The following ST6GALNAC3 variants were observed in gnomAD, a reference collection of about 807,000 sequenced individuals.
ST6GALNAC3 encodes the protein alpha-N-acetylgalactosaminide alpha-2,6-sialyltransferase 3.
Under a neutral mutation model 32.7 loss-of-function variants are expected in ST6GALNAC3, and 25 were observed. The observed-to-expected ratio is 0.76, with a 90% CI of 0.56 to 1.07. The LOEUF (loss-of-function observed/expected upper bound fraction) is 1.07, where lower values mean the gene tolerates loss of function less well. ST6GALNAC3 is among the 50% of genes least tolerant of loss of function. The pLI is 0.00. For missense variants in ST6GALNAC3, 355 were observed against 382.4 expected (o/e 0.93, Z 0.60); for synonymous variants, 129 against 133.1 (o/e 0.97, Z 0.21).
chr1:76,144,694 T>TCAC (rs1650564740), intron 1 of ST6GALNAC3, among the ~76,000 whole-genome samples: 9 of 152,286 alleles, frequency 5.9e-5, no homozygotes, highest in African/African-American at 2.2e-4. Context: ...CTTCCCCTAA[T>TCAC]GATTCTGTGA....
intron 3 of ST6GALNAC3, among the ~76,000 whole-genome samples, chr1:76,497,410 A>G (rs1054105055): frequency 1.3e-5 from 2 of 152,196 alleles, no homozygotes; most frequent in Non-Finnish European, 2.9e-5. Flanking sequence ...GAGTTAGGTT[A>G]TTGAGCTCAA....
intron 1 of ST6GALNAC3, among the ~76,000 whole-genome samples, chr1:76,225,165 T>G (rs1243158799): frequency 6.6e-6 from 1 of 152,130 alleles, no homozygotes; most frequent in Non-Finnish European, 1.5e-5. Context: ...GTGTATTTGA[T>G]GCAACAAAAT....
intron 3 of ST6GALNAC3, among the ~76,000 whole-genome samples, chr1:76,504,636 G>A (rs1031811380): frequency 3.9e-5 from 6 of 151,970 alleles, no homozygotes; most frequent in Admixed American, 2.0e-4. Flanking sequence ...TGTGTTAAAT[G>A]GTAAGACTAA....
chr1:76,579,603 G>A (rs1392650989), intron 3 of ST6GALNAC3, among the ~76,000 whole-genome samples: 3 of 151,856 alleles, frequency 2.0e-5, no homozygotes, highest in Non-Finnish European at 2.9e-5. Flanking sequence ...AAAACATATG[G>A]GTACTCCTCT....
chr1:76,108,802 G>A (rs1304330454), intron 1 of ST6GALNAC3, among the ~76,000 whole-genome samples: 2 of 150,896 alleles, frequency 1.3e-5, no homozygotes. Flanking sequence ...ATTTGCAAAA[G>A]TCTTGGTCAT....
chr1:76,405,891 C>T (rs957775677), intron 2 of ST6GALNAC3, among the ~76,000 whole-genome samples: 4 of 151,842 alleles, frequency 2.6e-5, no homozygotes, highest in African/African-American at 9.7e-5. Flanking sequence ...GGAAATAAGG[C>T]TGAGTAATTA....
chr1:76,452,911 G>A (rs1461431856), intron 3 of ST6GALNAC3, among the ~76,000 whole-genome samples: 1 of 152,000 alleles, frequency 6.6e-6, no homozygotes, highest in African/African-American at 2.4e-5. Flanking sequence ...TCTGGTCCTG[G>A]ACTCTATTTT....
At chr1:76,483,770 T>A (rs1460634541) in intron 3 of ST6GALNAC3, among the ~76,000 whole-genome samples, 3 of 152,122 alleles carry the variant, frequency 2.0e-5, no homozygotes, top group Admixed American at 2.0e-4. Flanking sequence ...CATTGCTCTT[T>A]GTGTTTTAGA....
At chr1:76,572,250 C>T (rs1015178579) in intron 3 of ST6GALNAC3, among the ~76,000 whole-genome samples, 1 of 152,044 alleles carries the variant, frequency 6.6e-6, no homozygotes, top group African/African-American at 2.4e-5. Flanking sequence ...TTCTTAACCA[C>T]ATAACATATC....
At chr1:76,273,800 C>G (rs768609756) in intron 1 of ST6GALNAC3, among the ~76,000 whole-genome samples, 6 of 152,044 alleles carry the variant, frequency 3.9e-5, no homozygotes, top group Non-Finnish European at 7.4e-5. Flanking sequence ...AATATCCGCT[C>G]GTAAGATGTA....
At chr1:76,289,023 A>G (rs892577324) in intron 1 of ST6GALNAC3, among the ~76,000 whole-genome samples, 1 of 152,208 alleles carries the variant, frequency 6.6e-6, no homozygotes, top group African/African-American at 2.4e-5. Flanking sequence ...ATCTTGTCTA[A>G]GAAGAAACTG....
rs71072000 is a variant in ST6GALNAC3, at chr1:76,415,171, CTTT to C, written c.623+2774_623+2776del. On this transcript the variant is annotated intron_variant, in intron 3 of 4. Transcript: ENST00000328299. ...TATTGAGGCTTGGTTGGATTCATGTCTTTTTTTTTTTTTTTTTTTTTTGCCAAA... is the reference window on the plus strand; with the variant it reads ...TATTGAGGCTTGGTTGGATTCATGTCTTTTTTTTTTTTTTTTTTTGCCAAA... Among the ~76,000 whole-genome samples the C allele has an allele frequency of 1.7e-4, 12 of 70,454 alleles. No homozygotes were observed. In the East Asian group the frequency reaches 4.0e-3, roughly 24 times the overall value. The allele number at this position is 70,454 out of a possible 152,430, so 46.2% of individuals were successfully genotyped here.
intron 1 of ST6GALNAC3, among the ~76,000 whole-genome samples, chr1:76,093,109 G>A (rs1647072283): frequency 6.6e-6 from 1 of 152,146 alleles, no homozygotes; most frequent in African/African-American, 2.4e-5. Context: ...TGAAGATATG[G>A]GAAGAATTGC....
At chr1:76,206,740 A>AC (rs1464254833) in intron 1 of ST6GALNAC3, among the ~76,000 whole-genome samples, 2 of 152,148 alleles carry the variant, frequency 1.3e-5, no homozygotes, top group African/African-American at 4.8e-5. Context: ...TAAAAAAAAA[A>AC]AATGCTGTCG....
chr1:76,399,050 A>G (rs1653204644), intron 2 of ST6GALNAC3, among the ~76,000 whole-genome samples: 2 of 151,954 alleles, frequency 1.3e-5, no homozygotes, highest in South Asian at 4.1e-4. Context: ...TCTTATGCCA[A>G]TTTTTTATTG....
Position 76,077,617 on chromosome 1 carries a change from G to C in ST6GALNAC3, c.18+2733G>C, listed in dbSNP as rs576019691. Reference sequence around the variant, plus strand: ...ATTGTGAGAAAGTGGGAAATGTATGGGGAAAACTAATGGAAAATAGGTGAG... The same window carrying C: ...ATTGTGAGAAAGTGGGAAATGTATGCGGAAAACTAATGGAAAATAGGTGAG... On this transcript the variant is annotated intron_variant, in intron 1 of 4. Transcript: ENST00000328299. Among the ~76,000 whole-genome samples the C allele has an allele frequency of 2.0e-5, 3 of 152,288 alleles. No homozygotes were observed. In the South Asian group the frequency reaches 6.2e-4, roughly 32 times the overall value.
chr1:76,543,494 G>GA (rs1449903315), intron 3 of ST6GALNAC3, among the ~76,000 whole-genome samples: 1 of 152,026 alleles, frequency 6.6e-6, no homozygotes, highest in East Asian at 1.9e-4. Context: ...TATCACATCA[G>GA]AAAAAAATAT....
intron 3 of ST6GALNAC3, among the ~76,000 whole-genome samples, chr1:76,573,204 C>T (rs1557588016): frequency 6.6e-6 from 1 of 152,064 alleles, no homozygotes; most frequent in Non-Finnish European, 1.5e-5. Context: ...TCTACAGACA[C>T]TTTTTAAGCG....
chr1:76,090,308 T>C (rs1297317712), intron 1 of ST6GALNAC3, among the ~76,000 whole-genome samples: 1 of 152,244 alleles, frequency 6.6e-6, no homozygotes, highest in Non-Finnish European at 1.5e-5. Flanking sequence ...AGACAATTTA[T>C]TTCACTTGCT....
Sources: allele counts gnomAD v4.1 joint callset (sites outside exome capture counted in the v4.1 genomes callset), GRCh38; gene constraint gnomAD v4.1.1; transcripts MANE v1.5; gene names NCBI Gene and HGNC (gene_info 2026-07-23, HGNC 2026-07-21).